Variants in TNS1 observed in about 807,000 individuals in gnomAD.
TNS1 encodes tensin 1, also known as tensin-1.
A neutral mutation model predicts 168.6 loss-of-function variants in TNS1; 62 were observed. The ratio of observed to expected loss-of-function variants is 0.37; its 90% CI spans 0.30 to 0.45. The LOEUF (loss-of-function observed/expected upper bound fraction) is 0.45. Ranked by LOEUF, TNS1 falls within the 20% of genes least tolerant of loss-of-function variation. The pLI is 1.00. For missense variants in TNS1, 2,240 were observed against 2,339.4 expected (o/e 0.96, Z 0.88); for synonymous variants, 934 against 933.2 (o/e 1.00, Z -0.02).
chr2:217,923,177 C>T (rs954019311), intron 3 of TNS1, among the ~76,000 whole-genome samples: 12 of 152,144 alleles, frequency 7.9e-5, no homozygotes, highest in African/African-American at 2.7e-4. Context: ...TTGGTGCCAG[C>T]GCTGTCATAG....
At chr2:217,967,985 G>A (rs901732592) in intron 3 of TNS1, among the ~76,000 whole-genome samples, 8 of 152,054 alleles carry the variant, frequency 5.3e-5, no homozygotes, top group Non-Finnish European at 8.8e-5. Context: ...AGGAATGAAA[G>A]GTGGTTTTAA....
chr2:217,897,763 G>A, intron 8 of TNS1, 35 bp downstream of exon 8: 1 of 1,536,912 alleles, frequency 6.5e-7, no homozygotes, highest in Non-Finnish European at 8.8e-7. Context: ...AAGCATAGAG[G>A]GCACAGGACA....
chr2:217,917,530 A>G (rs1955162362), intron 4 of TNS1, among the ~76,000 whole-genome samples: 2 of 152,128 alleles, frequency 1.3e-5, no homozygotes, highest in Admixed American at 6.5e-5. Context: ...CTGACACTTC[A>G]ATAAAAATTT....
intron 18 of TNS1, chr2:217,850,707 C>G (rs970667509): frequency 1.5e-6 from 1 of 652,382 alleles, no homozygotes; most frequent in African/African-American, 1.9e-5. Context: ...GCACCAGCTC[C>G]AGCCAGACAC....
At chr2:217,989,551 AG>A (rs1958297059) in intron 2 of TNS1, among the ~76,000 whole-genome samples, 2 of 152,126 alleles carry the variant, frequency 1.3e-5, no homozygotes, top group African/African-American at 4.8e-5. Flanking sequence ...TATTGGGTGC[AG>A]GGAGCTCCTG....
chr2:217,943,609 C>G (rs1957021361), intron 3 of TNS1, among the ~76,000 whole-genome samples: 1 of 152,186 alleles, frequency 6.6e-6, no homozygotes. Flanking sequence ...AGCCGCACCC[C>G]AGACATCCCT....
intron 2 of TNS1, among the ~76,000 whole-genome samples, chr2:217,983,018 C>T (rs1244592908): frequency 3.9e-5 from 6 of 152,198 alleles, no homozygotes; most frequent in African/African-American, 7.2e-5. Context: ...CCCTTCCTCC[C>T]TTCAACTGAG....
At chr2:217,900,259 A>G (rs1004251006) in intron 7 of TNS1, among the ~76,000 whole-genome samples, 1 of 152,246 alleles carries the variant, frequency 6.6e-6, no homozygotes, top group East Asian at 1.9e-4. Context: ...GACTCAGCTC[A>G]AGGGCTGGCT....
chr2:217,996,066 C>A (rs888809011), intron 1 of TNS1, among the ~76,000 whole-genome samples: 1 of 152,170 alleles, frequency 6.6e-6, no homozygotes, highest in African/African-American at 2.4e-5. Context: ...GTTGGTTCCT[C>A]CCTGCCCCGT....
Position 217,886,550 on chromosome 2 carries a change from G to A in TNS1, c.963C>T (p.Asn321=). ...LHHVIMHGIP[N]FESKGGCRPF... is the part of the protein sequence containing the mutation. ...GGCAGGTACCTCCTTTAGACTCAAA[G>A]TTGGGGATGCCGTGCATGATCACGT... The change falls in exon 13 of 33, where the codon AAC becomes AAT. Residue 321 remains asparagine, a synonymous_variant. Coordinates refer to ENST00000682258, the MANE Select transcript of TNS1 (RefSeq NM_001387777.1). 1 of 1,601,502 alleles carries A rather than the reference G, an allele frequency of 6.2e-7. No individual in the cohort carries two copies. Among genetic ancestry groups the A allele is most frequent in the African/African-American group, 1.3e-5 (1 of 74,982 alleles).
In TNS1 at chr2:217,938,829, A is replaced by C. The variant is rs1179478024; in HGVS notation, c.187-18593T>G. ...ATCTGCATGGGCTCCCTGAACAGAC[A>C]AGACCTCCGGAGGGCCGCTCAGCTC... On this transcript the variant is annotated intron_variant, in intron 3 of 32. Coordinates refer to ENST00000682258, the MANE Select transcript of TNS1 (RefSeq NM_001387777.1). Among the ~76,000 whole-genome samples the C allele has an allele frequency of 2.6e-5, 4 of 152,212 alleles. No homozygotes were observed. In the East Asian group the frequency reaches 7.7e-4, roughly 29 times the overall value.
chr2:217,885,656 G>A, intron 15 of TNS1, 88 bp downstream of exon 15: 7 of 1,408,944 alleles, frequency 5.0e-6, no homozygotes, highest in Non-Finnish European at 7.0e-6. Context: ...AGGAGTACCT[G>A]TCTTGTCCCA....
intron 3 of TNS1, among the ~76,000 whole-genome samples, chr2:217,951,840 G>A (rs1041618482): frequency 6.6e-6 from 1 of 152,334 alleles, no homozygotes; most frequent in South Asian, 2.1e-4. Flanking sequence ...ACGTCCCCAG[G>A]TTTTTCAGTT....
intron 18 of TNS1, among the ~76,000 whole-genome samples, chr2:217,878,213 C>T (rs942623224): frequency 6.6e-6 from 1 of 152,202 alleles, no homozygotes; most frequent in Non-Finnish European, 1.5e-5. Context: ...TCCAGCACAC[C>T]CCCCTCGCCT....
At position 217,885,262 on chromosome 2, in the gene TNS1, G is replaced by A. The variant is rs1292581255; in HGVS notation, c.1117-98C>T. ...CAGCTCCGCTGACTGAGCCCCCAAGGCTCACCCCAAACCCGGTGAGGGAGA... is the reference window on the plus strand; with the variant it reads ...CAGCTCCGCTGACTGAGCCCCCAAGACTCACCCCAAACCCGGTGAGGGAGA... On this transcript the variant is annotated intron_variant, in intron 15 of 32. Transcript: ENST00000682258. 2.6e-6 allele frequency: 4 copies of A among 1,539,502 alleles called. No homozygotes were observed. The East Asian group carries it at 7.0e-5, about 27-fold the overall frequency.
chr2:218,032,607 G>C lies in TNS1; in HGVS notation c.156+1213C>G, dbSNP rs550850870. Among the ~76,000 whole-genome samples, 1 of 152,140 alleles carries C rather than the reference G, an allele frequency of 6.6e-6. No homozygotes were observed. ...TAGCCACTGACTCTTGGCTTTTGAG[G>C]GGATCAGCACCCAGGAGATGTTTAT... On this transcript the variant is annotated intron_variant, in intron 1 of 1. Transcript: ENST00000649572. The surrounding 1 kb of genome is among the most constrained non-coding windows in gnomAD (Gnocchi z 4.0).
At chr2:217,917,035 C>T (rs944290501) in intron 4 of TNS1, among the ~76,000 whole-genome samples, 13 of 152,208 alleles carry the variant, frequency 8.5e-5, no homozygotes, top group Non-Finnish European at 1.6e-4. Flanking sequence ...GCACTTGCCT[C>T]GCCCGCCCGT....
At chr2:217,865,951 A>G (rs1390757355) in intron 18 of TNS1, among the ~76,000 whole-genome samples, 2 of 152,128 alleles carry the variant, frequency 1.3e-5, no homozygotes, top group Non-Finnish European at 1.5e-5. Flanking sequence ...AGCCATGGTC[A>G]CTCATCCTAC....
At chr2:217,890,851 T>C in intron 12 of TNS1, 111 bp downstream of exon 12, 1 of 1,216,514 alleles carries the variant, frequency 8.2e-7, no homozygotes, top group East Asian at 2.4e-5. Flanking sequence ...TTGCGCCTGG[T>C]ACACCCCCAC....
Sources: allele counts gnomAD v4.1 joint callset (sites outside exome capture counted in the v4.1 genomes callset), GRCh38; gene constraint gnomAD v4.1.1; non-coding constraint Gnocchi (gnomAD v3.1); transcripts MANE v1.5; gene names NCBI Gene and HGNC (gene_info 2026-07-23, HGNC 2026-07-21).